EPN2: variants seen among roughly 807,000 people sequenced by gnomAD.
The protein encoded by EPN2 is epsin-2.
Under a neutral mutation model 61.7 loss-of-function variants are expected in EPN2, and 34 were observed. That is an observed-to-expected ratio of 0.55 (90% CI 0.42 to 0.73). EPN2 has a LOEUF of 0.73. EPN2 is among the 30% of genes least tolerant of loss of function. The probability of loss-of-function intolerance (pLI) is 0.00; values close to 1 mark genes in which losing one functional copy is unlikely to be tolerated. For synonymous variants in EPN2, 349 were observed against 353.6 expected (o/e 0.99, Z 0.15); for missense variants, 714 against 839.2 (o/e 0.85, Z 1.84).
intron 1 of EPN2, among the ~76,000 whole-genome samples, chr17:19,265,408 TAC>T (rs2045185918): frequency 6.6e-6 from 1 of 150,956 alleles, no homozygotes; most frequent in Non-Finnish European, 1.5e-5. Context: ...TCTAGGAAGT[TAC>T]ATGCGGTCTC....
At chr17:19,250,474 A>G (rs1641619428) in intron 1 of EPN2, among the ~76,000 whole-genome samples, 1 of 152,130 alleles carries the variant, frequency 6.6e-6, no homozygotes, top group Non-Finnish European at 1.5e-5. Context: ...TGAGGTTAAG[A>G]TGTGGTTATC....
intron 1 of EPN2, among the ~76,000 whole-genome samples, chr17:19,268,920 ATGT>A (rs954061220): frequency 6.6e-6 from 1 of 152,182 alleles, no homozygotes; most frequent in African/African-American, 2.4e-5. Context: ...TGATACAATT[ATGT>A]TCTTTTTTAA....
chr17:19,279,256 C>T (rs1229864338), intron 1 of EPN2, among the ~76,000 whole-genome samples: 6 of 152,062 alleles, frequency 3.9e-5, no homozygotes, highest in African/African-American at 1.2e-4. Flanking sequence ...TCACAGGAAT[C>T]ACTGCCTTTT....
intron 1 of EPN2, among the ~76,000 whole-genome samples, chr17:19,279,674 A>G (rs947795721): frequency 2.0e-5 from 3 of 151,428 alleles, no homozygotes; most frequent in Non-Finnish European, 4.4e-5. Context: ...TGACCTTGTG[A>G]TCCACCTGCC....
intron 1 of EPN2, among the ~76,000 whole-genome samples, chr17:19,264,000 A>C (rs117855337): frequency 1.3e-5 from 2 of 152,150 alleles, no homozygotes; most frequent in African/African-American, 2.4e-5. Flanking sequence ...ACAAGTTTCT[A>C]AAGTAGAGCG....
intron 1 of EPN2, among the ~76,000 whole-genome samples, chr17:19,243,548 A>G (rs1437866117): frequency 3.3e-5 from 5 of 151,360 alleles, no homozygotes; most frequent in African/African-American, 1.2e-4. Flanking sequence ...ACCCGCCACC[A>G]CACCCGGCTA....
At chr17:19,277,476 T>C (rs893100583) in intron 1 of EPN2, among the ~76,000 whole-genome samples, 4 of 151,848 alleles carry the variant, frequency 2.6e-5, no homozygotes, top group Non-Finnish European at 5.9e-5. Context: ...AGCTTGGAGC[T>C]TGCTCTTGGG....
At chr17:19,272,949 C>G (rs561431855) in intron 1 of EPN2, among the ~76,000 whole-genome samples, 1 of 152,288 alleles carries the variant, frequency 6.6e-6, no homozygotes, top group Admixed American at 6.5e-5. Context: ...CCTCACCTGC[C>G]CATGTATTCT....
intron 5 of EPN2, among the ~76,000 whole-genome samples, chr17:19,310,563 CCTT>C (rs1326862147): frequency 8.6e-5 from 11 of 127,776 alleles, no homozygotes; most frequent in South Asian, 2.5e-4. Flanking sequence ...CTCTCTTTCT[CCTT>C]CTTTCTTTTT....
intron 1 of EPN2, among the ~76,000 whole-genome samples, chr17:19,271,395 A>G (rs1258498924): frequency 2.0e-5 from 3 of 152,202 alleles, no homozygotes; most frequent in Non-Finnish European, 4.4e-5. Flanking sequence ...ACTTCCGGTC[A>G]TAGGGAAAGT....
At chr17:19,308,457 C>G in intron 4 of EPN2, 1 of 982,522 alleles carries the variant, frequency 1.0e-6, no homozygotes, top group South Asian at 4.7e-5. Context: ...ATGCACCTGT[C>G]TGTGCATGCA....
chr17:19,250,099 T>A (rs962702108), intron 1 of EPN2, among the ~76,000 whole-genome samples: 4 of 151,950 alleles, frequency 2.6e-5, no homozygotes, highest in Non-Finnish European at 5.9e-5. Flanking sequence ...AAACTGAATT[T>A]TTTTTTTTTT....
intron 1 of EPN2, among the ~76,000 whole-genome samples, chr17:19,238,404 A>C (rs973713084): frequency 6.6e-6 from 1 of 152,130 alleles, no homozygotes; most frequent in African/African-American, 2.4e-5. Flanking sequence ...AAGTTTGCCC[A>C]GTGGCTTTCC....
chr17:19,246,141 A>G (rs1034253489), intron 1 of EPN2, among the ~76,000 whole-genome samples: 19 of 151,936 alleles, frequency 1.3e-4, no homozygotes, highest in African/African-American at 4.6e-4. Flanking sequence ...CAGGTGAATC[A>G]TGAGGTCAAG....
Position 19,295,339 on chromosome 17 carries a change from AAT to A in EPN2, c.766+9551_766+9552del, listed in dbSNP as rs1250528952. ...GCAGTGAAACCCCATCTCTATTAAA[AAT>A]ACACACACACACACACACACACACA... On this transcript the variant is annotated intron_variant, in intron 4 of 10. Transcript: ENST00000314728. Among the ~76,000 whole-genome samples the A allele has an allele frequency of 1.2e-3, 116 of 98,744 alleles. 1 individual carries two copies. The highest frequency in any genetic ancestry group is 5.6e-3 in the African/African-American group (114 of 20,192). The allele number at this position is 98,744 out of a possible 152,430, so 64.8% of individuals were successfully genotyped here. A position where few individuals can be genotyped will look rare whatever the true frequency, so the allele number is the denominator to read the frequency against.
intron 1 of EPN2, among the ~76,000 whole-genome samples, chr17:19,265,327 A>G (rs1354684580): frequency 4.6e-5 from 7 of 150,800 alleles, no homozygotes; most frequent in Admixed American, 4.0e-4. Context: ...GTAATCAGCT[A>G]TGATTGTGCT....
At chr17:19,297,940 G>C (rs1312739538) in intron 4 of EPN2, among the ~76,000 whole-genome samples, 1 of 152,008 alleles carries the variant, frequency 6.6e-6, no homozygotes, top group Non-Finnish European at 1.5e-5. Context: ...CCAGTGGCAC[G>C]ATCTCGGCTC....
At position 19,336,395 on chromosome 17, in the gene EPN2, G is replaced by A. The variant is rs1408871484; in HGVS notation, c.*2141G>A. ...TTGGGGTCAGTGATTCTTTTGTAACGAGTCTTTCATGATGTGACTTTGAGG... is the reference window on the plus strand; with the variant it reads ...TTGGGGTCAGTGATTCTTTTGTAACAAGTCTTTCATGATGTGACTTTGAGG... On this transcript the variant is annotated 3_prime_UTR_variant, in exon 11 of 11. Transcript: ENST00000314728. The A allele has an allele frequency of 1.3e-5, 2 of 152,426 alleles. No homozygotes were observed. Among genetic ancestry groups the A allele is most frequent in the Non-Finnish European group, 2.9e-5 (2 of 68,076 alleles). The allele number at this position is 152,426 out of a possible 1,614,324, so 9.4% of individuals were successfully genotyped here. A position where few individuals can be genotyped will look rare whatever the true frequency, so the allele number is the denominator to read the frequency against.
intron 4 of EPN2, chr17:19,297,465 T>G (rs766801249): frequency 1.3e-5 from 2 of 152,180 alleles, no homozygotes; most frequent in Non-Finnish European, 2.9e-5. Flanking sequence ...TGTGCTCACT[T>G]TCTGCACTCA....
Sources: gnomAD v4.1 joint callset for allele counts (sites outside exome capture counted in the v4.1 genomes callset) on GRCh38, gnomAD v4.1.1 for gene constraint, MANE v1.5 for transcripts, NCBI Gene and HGNC (gene_info 2026-07-23, HGNC 2026-07-21) for gene names.